DPEP1: variants seen among roughly 807,000 people sequenced by gnomAD.
DPEP1 encodes the protein dipeptidase 1.
Under a neutral mutation model 42.3 loss-of-function variants are expected in DPEP1, and 50 were observed. The observed-to-expected ratio is 1.18, with a 90% CI of 0.94 to 1.50. The LOEUF (loss-of-function observed/expected upper bound fraction) is 1.50, where lower values mean the gene tolerates loss of function less well. Among genes scored for constraint, DPEP1 ranks in the 40% most tolerant of loss-of-function variants. The pLI is 0.00. For synonymous variants in DPEP1, 297 were observed against 234.0 expected (o/e 1.27, Z -2.46); for missense variants, 663 against 553.0 (o/e 1.20, Z -1.99).
rs1428273348 is a variant in DPEP1 at position 89,637,489 on chromosome 16, ATGG to A, written c.793_795del (p.Val265del). 2 of 1,612,718 alleles carry A rather than the reference ATGG, an allele frequency of 1.2e-6. No individual in the cohort carries two copies. The highest frequency in any genetic ancestry group is 2.7e-5 in the African/African-American group (2 of 74,940). On this transcript the variant is annotated inframe_deletion, in exon 8 of 11. Transcript: ENST00000690203. ...GCAGAAACAGACAGACAGCCTGGTG[ATGG>A]TGAACTTCTACAACAATTACATTTC...
In DPEP1 at chr16:89,631,263, TG is replaced by T. The variant is rs1255734827; in HGVS notation, c.104+752del. ...CCACCCCCGACCTCGCTGGGGCACCTGGGTCACCTGCTTCTGTCCTGACCTC... is the reference window on the plus strand; with the variant it reads ...CCACCCCCGACCTCGCTGGGGCACCTGGTCACCTGCTTCTGTCCTGACCTC... On this transcript the variant is annotated intron_variant, in intron 2 of 10. Coordinates refer to ENST00000690203, the MANE Select transcript of DPEP1 (RefSeq NM_001389466.1). 3.4e-5 allele frequency among the ~76,000 whole-genome samples: 5 copies of T among 149,158 alleles called. No individual in the cohort carries two copies. In the East Asian group the frequency reaches 1.1e-3, roughly 31 times the overall value.
At chr16:89,618,272 A>G (rs1191436443) in intron 1 of DPEP1, among the ~76,000 whole-genome samples, 1 of 152,282 alleles carries the variant, frequency 6.6e-6, no homozygotes, top group African/African-American at 2.4e-5. Context: ...GCTGGAGTGC[A>G]GTGGTAGGAT....
At chr16:89,635,066 CTCCTTTCCCTTCCTTCT>C (rs2059653694) in intron 2 of DPEP1, among the ~76,000 whole-genome samples, 5 of 26,594 alleles carry the variant, frequency 1.9e-4, no homozygotes, top group African/African-American at 4.9e-4. Context: ...TCCCTTCCTT[CTCCTTTCCCTTCCTTCT>C]CCTTTCCCTT....
intron 3 of DPEP1, 31 bp from the exon 4 acceptor site, chr16:89,636,233 A>G (rs781067309): frequency 6.3e-7 from 1 of 1,590,580 alleles, no homozygotes; most frequent in Non-Finnish European, 8.5e-7. Flanking sequence ...ACCTGGCTGC[A>G]TCAGCTCCTG....
intron 6 of DPEP1, 27 bp from the exon 7 acceptor site, chr16:89,637,177 A>AGGGTGGAC (rs770212306): frequency 1.2e-6 from 2 of 1,604,638 alleles, no homozygotes; most frequent in Non-Finnish European, 1.7e-6. Flanking sequence ...GGGGGCTGTG[A>AGGGTGGAC]GGGTGGACGG....
intron 2 of DPEP1, among the ~76,000 whole-genome samples, chr16:89,634,730 CTCCTTTCCCCTTCCTTCT>C (rs199988378): frequency 3.6e-5 from 3 of 84,026 alleles, no homozygotes; most frequent in African/African-American, 9.1e-5. Flanking sequence ...TCCCTTCCTT[CTCCTTTCCCCTTCCTTCT>C]CCTTTCCCTT....
At chr16:89,640,452 G>A, downstream of DPEP1, 1 of 600,062 alleles carries the variant, frequency 1.7e-6, no homozygotes, top group Non-Finnish European at 2.1e-6. Context: ...GAGGCCCTGA[G>A]TCGAGGAGCA....
chr16:89,640,229 TG>T (rs1201083973), downstream of DPEP1, among the ~76,000 whole-genome samples: 6 of 152,274 alleles, frequency 3.9e-5, no homozygotes, highest in South Asian at 1.2e-3. Context: ...TGGAGGGCCC[TG>T]GGGGTGAGGG....
At chr16:89,622,479 G>A (rs2151481849) in intron 1 of DPEP1, among the ~76,000 whole-genome samples, 1 of 152,266 alleles carries the variant, frequency 6.6e-6, no homozygotes, top group East Asian at 1.9e-4. Flanking sequence ...GAGAGGAAAG[G>A]AATTAGAAAA....
intron 1 of DPEP1, among the ~76,000 whole-genome samples, chr16:89,628,770 A>AC (rs2059548416): frequency 2.6e-5 from 4 of 151,832 alleles, no homozygotes; most frequent in African/African-American, 9.7e-5. Context: ...GAAAAATCAG[A>AC]ATATTGGGCC....
intron 1 of DPEP1, among the ~76,000 whole-genome samples, chr16:89,619,935 C>T (rs923846316): frequency 2.2e-5 from 3 of 134,364 alleles, no homozygotes; most frequent in Non-Finnish European, 4.8e-5. Flanking sequence ...GTGACTAGCC[C>T]AGCAGCAGCC....
chr16:89,635,856 C>T (rs2059670598), intron 2 of DPEP1, 52 bp from the exon 3 acceptor site: 1 of 1,546,430 alleles, frequency 6.5e-7, no homozygotes, highest in Non-Finnish European at 8.7e-7. Context: ...TCGGAAGCCC[C>T]CAGGTCCCAG....
chr16:89,615,655 G>A (rs2059373468), intron 1 of DPEP1, among the ~76,000 whole-genome samples: 1 of 152,226 alleles, frequency 6.6e-6, no homozygotes, highest in Non-Finnish European at 1.5e-5. Flanking sequence ...CTTGGGTGAA[G>A]TGAGCCCCCA....
intron 1 of DPEP1, among the ~76,000 whole-genome samples, chr16:89,627,879 C>T (rs1272188605): frequency 6.6e-6 from 1 of 151,620 alleles, no homozygotes; most frequent in Non-Finnish European, 1.5e-5. Flanking sequence ...AGGCTGGTCT[C>T]AAACTCCTAA....
In DPEP1 at chr16:89,622,992, G is replaced by T. The variant is rs116258399; in HGVS notation, c.-106-7313G>T. Among the ~76,000 whole-genome samples, 237 of 152,202 alleles carry T rather than the reference G, an allele frequency of 1.6e-3. 2 individuals carry two copies. Among genetic ancestry groups the T allele is most frequent in the African/African-American group, 5.4e-3 (226 of 41,536 alleles). The stretch of plus-strand genomic sequence containing the variant: ...TCAGACGTTGCAGGCACGATGGGCC[G>T]GGAGTGAGGAAGACGCTGAGGTCGG... On this transcript the variant is annotated intron_variant, in intron 1 of 10. Coordinates refer to ENST00000690203, the MANE Select transcript of DPEP1 (RefSeq NM_001389466.1).
At chr16:89,630,568 T>G in intron 2 of DPEP1, 54 bp downstream of exon 2, 3 of 530,200 alleles carry the variant, frequency 5.7e-6, no homozygotes, top group South Asian at 7.1e-5. Context: ...GAACTGGGGC[T>G]GGGAGAGCGG....
At position 89,622,731 on chromosome 16, in the gene DPEP1, C is replaced by G. The variant is rs576913269; in HGVS notation, c.-106-7574C>G. The stretch of plus-strand genomic sequence containing the variant: ...CCCAGGAGGCGGAGGTTGCAGTGAG[C>G]CGAGATCGCGCCATTGCACTCCAGC... On this transcript the variant is annotated intron_variant, in intron 1 of 10. Transcript: ENST00000690203. Among the ~76,000 whole-genome samples, 57 of 151,666 alleles carry G rather than the reference C, an allele frequency of 3.8e-4. No homozygotes were observed. The South Asian group carries it at 0.011, about 30-fold the overall frequency.
chr16:89,638,286 G>T lies in DPEP1; in HGVS notation c.*64G>T. On this transcript the variant is annotated 3_prime_UTR_variant, in exon 11 of 11. Coordinates refer to ENST00000690203, the MANE Select transcript of DPEP1 (RefSeq NM_001389466.1). ...CTCCGGGAAGACCCGCCCATCCCAG[G>T]ACTCCAGATGCCAGGAGCCCTGCTG... 1 of 1,473,036 alleles carries T rather than the reference G, an allele frequency of 6.8e-7. No individual in the cohort carries two copies. The highest frequency in any genetic ancestry group is 9.0e-7 in the Non-Finnish European group (1 of 1,114,088). 91.2% of individuals were successfully genotyped at this position (1,473,036 alleles called of 1,614,324 possible). A position where few individuals can be genotyped will look rare whatever the true frequency, so the allele number is the denominator to read the frequency against.
At position 89,636,910 on chromosome 16, in the gene DPEP1, G is replaced by A. The variant is rs774656558; in HGVS notation, c.566G>A (p.Ser189Asn). The change falls in exon 6 of 11, where the codon AGC (serine) becomes AAC (asparagine). Residue 189 changes from serine to asparagine, a missense_variant. By Grantham distance (46) the Ser-to-Asn change is conservative. Transcript: ENST00000690203. The stretch of plus-strand genomic sequence containing the variant: ...GACACGGGAGACAGCGAGCCCCAGA[G>A]CCAAGGCTTGTCACCCTTTGGGCAG... ...LVDTGDSEPQ[S>N]QGLSPFGQRV... 8 of 1,612,426 alleles carry A rather than the reference G, an allele frequency of 5.0e-6. No individual in the cohort carries two copies. The highest frequency in any genetic ancestry group is 2.2e-5 in the South Asian group (2 of 91,086).
Sources: gnomAD v4.1 joint callset for allele counts (sites outside exome capture counted in the v4.1 genomes callset) on GRCh38, gnomAD v4.1.1 for gene constraint, MANE v1.5 for transcripts, NCBI Gene and HGNC (gene_info 2026-07-23, HGNC 2026-07-21) for gene names.